Variants in ZFAND3 observed in about 807,000 individuals in gnomAD.
The protein encoded by ZFAND3 is zinc finger AN1-type containing 3, also known as AN1-type zinc finger protein 3.
ZFAND3 carries 10 observed loss-of-function variants against 29.6 expected under a neutral mutation model. The observed-to-expected ratio is 0.34, with a 90% CI of 0.21 to 0.57. ZFAND3 has a LOEUF of 0.57. Ranked by LOEUF, ZFAND3 falls within the 20% of genes least tolerant of loss-of-function variation. The pLI is 0.86. For synonymous variants in ZFAND3, 128 were observed against 112.6 expected (o/e 1.14, Z -0.87); for missense variants, 230 against 304.5 (o/e 0.76, Z 1.82).
intron 1 of ZFAND3, among the ~76,000 whole-genome samples, chr6:37,918,951 C>CTTTTTTTTTGTTTT (rs1761319185): frequency 9.5e-6 from 1 of 104,738 alleles, no homozygotes; most frequent in Non-Finnish European, 1.8e-5. Context: ...TGAAAAATGC[C>CTTTTTTTTTGTTTT]TTTTTTTTTT....
chr6:38,117,054 C>T (rs142390764), intron 5 of ZFAND3, among the ~76,000 whole-genome samples: 3 of 152,212 alleles, frequency 2.0e-5, no homozygotes, highest in East Asian at 1.9e-4. Context: ...TTTCTTCTCA[C>T]GACTTCAGAA....
Position 37,998,506 on chromosome 6 carries a change from T to A in ZFAND3, c.113-63087T>A, listed in dbSNP as rs79982047. Among the ~76,000 whole-genome samples the A allele has an allele frequency of 0.017, 2,537 of 145,884 alleles. 245 individuals are homozygous for A. In the East Asian group the frequency reaches 0.29, roughly 17 times the overall value. On this transcript the variant is annotated intron_variant, in intron 2 of 5. Transcript: ENST00000287218. Reference sequence around the variant, plus strand: ...GCAGAATGTTTTAAAAACAGACTATTACAGATGTATGAAACATCTGTAATG... The same window carrying A: ...GCAGAATGTTTTAAAAACAGACTATAACAGATGTATGAAACATCTGTAATG...
chr6:38,144,470 G>T (rs1766061546), intron 5 of ZFAND3, among the ~76,000 whole-genome samples: 1 of 152,074 alleles, frequency 6.6e-6, no homozygotes, highest in Non-Finnish European at 1.5e-5. Flanking sequence ...CAAAGAACCA[G>T]ATCTACCTGC....
intron 2 of ZFAND3, among the ~76,000 whole-genome samples, chr6:37,978,751 G>C (rs970041094): frequency 2.6e-5 from 4 of 152,110 alleles, no homozygotes; most frequent in Admixed American, 1.3e-4. Flanking sequence ...TGCAACCTCT[G>C]CCTCCTGGGT....
intron 1 of ZFAND3, among the ~76,000 whole-genome samples, chr6:37,908,279 G>A (rs928163458): frequency 1.4e-4 from 22 of 152,066 alleles, no homozygotes; most frequent in African/African-American, 5.1e-4. Flanking sequence ...GTACATTTTA[G>A]CACACCAGTG....
chr6:37,940,194 T>C (rs1215060463), intron 2 of ZFAND3, among the ~76,000 whole-genome samples: 1 of 152,222 alleles, frequency 6.6e-6, no homozygotes, highest in Non-Finnish European at 1.5e-5. Flanking sequence ...AACTTTCAGA[T>C]AGACTCAGAA....
intron 2 of ZFAND3, among the ~76,000 whole-genome samples, chr6:37,968,730 G>A (rs11752863): frequency 0.088 from 13,355 of 152,032 alleles, 773 homozygotes; most frequent in East Asian, 0.29. Flanking sequence ...CCCTTTCTCT[G>A]TGTTGCTGGG....
intron 3 of ZFAND3, among the ~76,000 whole-genome samples, chr6:38,073,158 A>C (rs1764488357): frequency 6.6e-6 from 1 of 152,160 alleles, no homozygotes; most frequent in African/African-American, 2.4e-5. Context: ...TTGTTTTTAC[A>C]AGTCCACGCA....
intron 5 of ZFAND3, among the ~76,000 whole-genome samples, chr6:38,127,776 G>T (rs998401603): frequency 1.2e-4 from 18 of 151,696 alleles, no homozygotes; most frequent in African/African-American, 4.4e-4. Context: ...GTGCTAAATA[G>T]TGGTATTCCA....
chr6:38,116,483 G>A, intron 4 of ZFAND3, 89 bp from the exon 5 acceptor site: 9 of 1,460,608 alleles, frequency 6.2e-6, no homozygotes, highest in Non-Finnish European at 8.4e-6. Flanking sequence ...GCAGTAGCCT[G>A]GTCAGGAGAA....
intron 1 of ZFAND3, among the ~76,000 whole-genome samples, chr6:37,851,593 T>C (rs1764283193): frequency 6.6e-6 from 1 of 152,172 alleles, no homozygotes; most frequent in South Asian, 2.1e-4. Context: ...TCTGAAGATC[T>C]CAAAGTGTTG....
At chr6:37,908,541 T>TAAAAAAAAAA (rs1765452056) in intron 1 of ZFAND3, among the ~76,000 whole-genome samples, 1 of 58,340 alleles carries the variant, frequency 1.7e-5, no homozygotes, top group Non-Finnish European at 3.9e-5. Flanking sequence ...AAAAAAAAAA[T>TAAAAAAAAAA]TAAAAAAAAA....
intron 2 of ZFAND3, among the ~76,000 whole-genome samples, chr6:37,980,422 C>T (rs556527888): frequency 8.3e-4 from 127 of 152,276 alleles, no homozygotes; most frequent in Middle Eastern, 6.8e-3. Flanking sequence ...TCTCTTGTAT[C>T]ATTTGCTGAT....
chr6:37,952,140 T>A (rs1317910679), intron 2 of ZFAND3, among the ~76,000 whole-genome samples: 8 of 152,196 alleles, frequency 5.3e-5, no homozygotes, highest in Non-Finnish European at 1.2e-4. Context: ...TCTGTGTTCA[T>A]CAGGGATATT....
intron 1 of ZFAND3, among the ~76,000 whole-genome samples, chr6:37,829,621 AT>A (rs565742716): frequency 1.3e-5 from 2 of 152,082 alleles, no homozygotes; most frequent in African/African-American, 4.8e-5. Context: ...GAAACTTTTA[AT>A]TTTTTTTATT....
intron 1 of ZFAND3, among the ~76,000 whole-genome samples, chr6:37,882,130 T>C (rs562806277): frequency 6.6e-4 from 100 of 152,312 alleles, no homozygotes; most frequent in Non-Finnish European, 1.2e-3. Flanking sequence ...TGGGTGGCCA[T>C]GTTGCTGGAG....
intron 2 of ZFAND3, among the ~76,000 whole-genome samples, chr6:38,021,628 T>C (rs1253403453): frequency 1.3e-5 from 2 of 152,240 alleles, no homozygotes; most frequent in Non-Finnish European, 2.9e-5. Context: ...ATAATCTGTC[T>C]TCTTGTGGTA....
chr6:38,064,731 G>C (rs946843645), intron 3 of ZFAND3, among the ~76,000 whole-genome samples: 58 of 145,262 alleles, frequency 4.0e-4, no homozygotes, highest in African/African-American at 1.3e-3. Flanking sequence ...AGTTCTACTA[G>C]CTTCGTTTCC....
At position 37,873,527 on chromosome 6, in the gene ZFAND3, G is replaced by A. The variant is rs543140905; in HGVS notation, c.71+53511G>A. ...TGAGGTATTTTATATAGTTTTATCC[G>A]TCACATAAGTTCTTGCTGACAGTAG... On this transcript the variant is annotated intron_variant, in intron 1 of 5. Transcript: ENST00000287218. 3.4e-4 allele frequency among the ~76,000 whole-genome samples: 51 copies of A among 149,862 alleles called. 1 individual carries two copies. The highest frequency in any genetic ancestry group is 7.8e-4 in the African/African-American group (31 of 39,854).
Sources: allele counts gnomAD v4.1 joint callset (sites outside exome capture counted in the v4.1 genomes callset), GRCh38; gene constraint gnomAD v4.1.1; transcripts MANE v1.5; gene names NCBI Gene and HGNC (gene_info 2026-07-23, HGNC 2026-07-21).